The following BRWD1 variants were observed in gnomAD, a reference collection of about 807,000 sequenced individuals.
The protein encoded by BRWD1 is bromodomain and WD repeat domain containing 1.
BRWD1 carries 82 observed loss-of-function variants against 251.2 expected under a neutral mutation model. The observed-to-expected ratio is 0.33, with a 90% CI of 0.27 to 0.39. BRWD1 has a LOEUF of 0.39. BRWD1 is among the 10% of genes least tolerant of loss of function. BRWD1 has a pLI of 1.00. For missense variants in BRWD1, 2,233 were observed against 2,711.6 expected (o/e 0.82, Z 3.92); for synonymous variants, 918 against 902.8 (o/e 1.02, Z -0.30).
At chr21:39,311,968 C>T (rs1034194923) in intron 4 of BRWD1, among the ~76,000 whole-genome samples, 8 of 152,160 alleles carry the variant, frequency 5.3e-5, no homozygotes, top group African/African-American at 1.7e-4. Flanking sequence ...TCTTTTCTTT[C>T]TCAATTGTTT....
intron 27 of BRWD1, 58 bp downstream of exon 27, chr21:39,228,442 G>A (rs2033471995): frequency 8.4e-7 from 1 of 1,188,590 alleles, no homozygotes; most frequent in South Asian, 1.3e-5. Context: ...CAAAAAGGTA[G>A]ACCAATAAAA....
Position 39,188,531 on chromosome 21 carries a change from CTT to C in BRWD1, c.*7726_*7727del. 1 of 985,406 alleles carries C rather than the reference CTT, an allele frequency of 1.0e-6. No individual in the cohort carries two copies. The highest frequency in any genetic ancestry group is 1.2e-6 in the Non-Finnish European group (1 of 829,904). 61.0% of individuals were successfully genotyped at this position (985,406 alleles called of 1,614,324 possible). Reference sequence around the variant, plus strand: ...AAACCACCAATGCCAACCTTCTGAACTTTTTCTTCTGTGAAGATGTTTGCCCT... The same window carrying C: ...AAACCACCAATGCCAACCTTCTGAACTTTCTTCTGTGAAGATGTTTGCCCT... On this transcript the variant is annotated 3_prime_UTR_variant, in exon 41 of 41. Coordinates refer to ENST00000342449, the MANE Select transcript of BRWD1 (RefSeq NM_033656.4).
Position 39,251,044 on chromosome 21 carries a change from T to C in BRWD1, c.2256-155A>G, listed in dbSNP as rs932168746. ...AGTTAAAACATGTTAAAAATTTATA[T>C]GAATATAAATAAAATCTCAGAGGCA... is the stretch of plus-strand genomic sequence containing the variant. On this transcript the variant is annotated intron_variant, in intron 19 of 40. Coordinates refer to ENST00000342449, the MANE Select transcript of BRWD1 (RefSeq NM_033656.4). 2.6e-5 allele frequency among the ~76,000 whole-genome samples: 4 copies of C among 152,304 alleles called. No individual in the cohort carries two copies. The East Asian group carries it at 7.7e-4, about 29-fold the overall frequency.
At chr21:39,298,606 G>A (rs1294740017) in intron 4 of BRWD1, 24 bp from the exon 5 acceptor site, 9 of 1,555,792 alleles carry the variant, frequency 5.8e-6, no homozygotes, top group Non-Finnish European at 6.9e-6. Context: ...AAGTTTTAAT[G>A]ACAACAGCTT....
rs780294593 is a variant in BRWD1, at chr21:39,210,939, C to T, written c.3901-10G>A. ...TTTTCCCATCATGGACCTAAAAATA[C>T]ATTCACAGTCTTAAGAAAAATCACA... On this transcript the variant is annotated splice_polypyrimidine_tract_variant and intron_variant, in intron 34 of 40. Transcript: ENST00000342449. 1.9e-6 allele frequency: 3 copies of T among 1,607,278 alleles called. No individual in the cohort carries two copies. The highest frequency in any genetic ancestry group is 2.7e-5 in the African/African-American group (2 of 74,472).
chr21:39,218,499 A>G lies in BRWD1; in HGVS notation c.3538+6T>C. On this transcript the variant is annotated splice_donor_region_variant and intron_variant, in intron 30 of 40. Coordinates refer to ENST00000342449, the MANE Select transcript of BRWD1 (RefSeq NM_033656.4). ...AACTTTTCATCCTAAAAAATAAAAA[A>G]CTTACCAAGATTCAAAAGTTGATCT... is the stretch of plus-strand genomic sequence containing the variant. 6.4e-7 allele frequency: 1 copy of G among 1,567,684 alleles called. No homozygotes were observed. Among genetic ancestry groups the G allele is most frequent in the Non-Finnish European group, 8.6e-7 (1 of 1,166,480 alleles).
Position 39,298,422 on chromosome 21 carries a change from A to C in BRWD1, c.349+10T>G, listed in dbSNP as rs1181486071. 6.4e-7 allele frequency: 1 copy of C among 1,570,744 alleles called. No individual in the cohort carries two copies. Among genetic ancestry groups the C allele is most frequent in the Non-Finnish European group, 8.6e-7 (1 of 1,164,898 alleles). On this transcript the variant is annotated intron_variant, in intron 5 of 40. Transcript: ENST00000342449. ...AATACAAAGCAGAACACTTCTTCAA[A>C]TTAAGGTACCTTTTGCTGTACGTAG...
chr21:39,281,016 A>G (rs1203857598), intron 8 of BRWD1, among the ~76,000 whole-genome samples: 1 of 152,218 alleles, frequency 6.6e-6, no homozygotes, highest in Non-Finnish European at 1.5e-5. Flanking sequence ...AATGCAAGGA[A>G]AACAAACACA....
rs1238540467 is a variant in BRWD1 at position 39,199,648 on chromosome 21, C to T, written c.4768G>A (p.Ala1590Thr). 4 of 1,604,116 alleles carry T rather than the reference C, an allele frequency of 2.5e-6. No individual in the cohort carries two copies. The highest frequency in any genetic ancestry group is 3.4e-6 in the Non-Finnish European group (4 of 1,176,640). The change falls in exon 40 of 41, where the codon GCA (alanine) becomes ACA (threonine). Residue 1590 changes from alanine (A) to threonine (T), a missense_variant. Coordinates refer to ENST00000342449, the MANE Select transcript of BRWD1 (RefSeq NM_033656.4). ...GTGGCTTTTCTGCCACATCCATTTG[C>T]TAATGAAACGGGACCTAGAAATAAG... is the stretch of plus-strand genomic sequence containing the variant. ...AQRKTGPVSL[A>T]NGCGRKATRK...
At chr21:39,216,860 G>A (rs948366032) in intron 31 of BRWD1, 4 of 190,536 alleles carry the variant, frequency 2.1e-5, no homozygotes, top group Non-Finnish European at 4.3e-5. Flanking sequence ...ACAGGGGTTG[G>A]CTATACAGAT....
chr21:39,306,847 A>G (rs989172940), intron 4 of BRWD1, among the ~76,000 whole-genome samples: 2 of 152,134 alleles, frequency 1.3e-5, no homozygotes, highest in African/African-American at 2.4e-5. Context: ...TTAATTGATA[A>G]TTGAAAATTT....
chr21:39,236,241 A>G (rs73357885), intron 23 of BRWD1, among the ~76,000 whole-genome samples: 81 of 152,042 alleles, frequency 5.3e-4, no homozygotes, highest in African/African-American at 1.8e-3. Flanking sequence ...GGCCTCCCCC[A>G]TAAGTCCCAC....
chr21:39,290,685 T>C (rs989912001), intron 8 of BRWD1, among the ~76,000 whole-genome samples: 1 of 152,178 alleles, frequency 6.6e-6, no homozygotes, highest in African/African-American at 2.4e-5. Context: ...TGCTGCTATA[T>C]TGTCAACACA....
rs547734557 is a variant in BRWD1 at position 39,276,136 on chromosome 21, A to C, written c.1145+37T>G. On this transcript the variant is annotated intron_variant, in intron 12 of 40. Coordinates refer to ENST00000342449, the MANE Select transcript of BRWD1 (RefSeq NM_033656.4). Reference sequence around the variant, plus strand: ...AACATGTAGCACATTATATTTGCCTAATAACACACACACACACATACAAAA... The same window carrying C: ...AACATGTAGCACATTATATTTGCCTCATAACACACACACACACATACAAAA... 4.7e-5 allele frequency: 73 copies of C among 1,562,360 alleles called. 2 individuals are homozygous for C. Among genetic ancestry groups the C allele is most frequent in the Admixed American group, 2.4e-4 (13 of 55,258 alleles).
rs747940853 is a variant in BRWD1 at position 39,225,071 on chromosome 21, C to A, written c.3320+15G>T. 4 of 1,498,084 alleles carry A rather than the reference C, an allele frequency of 2.7e-6. No individual in the cohort carries two copies. Among genetic ancestry groups the A allele is most frequent in the Non-Finnish European group, 3.7e-6 (4 of 1,075,836 alleles). 92.8% of individuals were successfully genotyped at this position (1,498,084 alleles called of 1,614,324 possible). A position where few individuals can be genotyped will look rare whatever the true frequency, so the allele number is the denominator to read the frequency against. On this transcript the variant is annotated intron_variant, in intron 28 of 40. Coordinates refer to ENST00000342449, the MANE Select transcript of BRWD1 (RefSeq NM_033656.4). ...GAATTACTGGGAAATGATTAGTTTT[C>A]ATCTGTATACAAACCTAACAATATA... is the stretch of plus-strand genomic sequence containing the variant.
At position 39,289,115 on chromosome 21, in the gene BRWD1, T is replaced by C. The variant is rs113118882; in HGVS notation, c.831+4696A>G. On this transcript the variant is annotated intron_variant, in intron 8 of 40. Transcript: ENST00000342449. The stretch of plus-strand genomic sequence containing the variant: ...TGCAAGTAATATAATTATGTTTACA[T>C]TGACATTTACTATCCCAGTATCATC... Among the ~76,000 whole-genome samples the C allele has an allele frequency of 6.9e-4, 105 of 152,350 alleles. 1 individual carries two copies. The highest frequency in any genetic ancestry group is 6.8e-3 in the Middle Eastern group (2 of 294).
intron 22 of BRWD1, among the ~76,000 whole-genome samples, chr21:39,237,437 C>G (rs2033849446): frequency 6.6e-6 from 1 of 152,214 alleles, no homozygotes; most frequent in South Asian, 2.1e-4. Context: ...ATAAAGGACT[C>G]TACTTGGGCC....
At chr21:39,312,535 TG>T in intron 4 of BRWD1, 1 of 271,828 alleles carries the variant, frequency 3.7e-6, no homozygotes, top group East Asian at 8.0e-5. Context: ...GTTGAATGGC[TG>T]GCTGCGCACG....
At chr21:39,263,033 T>C (rs577837227) in intron 17 of BRWD1, among the ~76,000 whole-genome samples, 1 of 152,052 alleles carries the variant, frequency 6.6e-6, no homozygotes. Context: ...GGAGGATCAC[T>C]TGACCCTCCT....
Sources: gnomAD v4.1 joint callset for allele counts (sites outside exome capture counted in the v4.1 genomes callset) on GRCh38, gnomAD v4.1.1 for gene constraint, MANE v1.5 for transcripts, NCBI Gene and HGNC (gene_info 2026-07-23, HGNC 2026-07-21) for gene names.